RAD51AP2: variants seen among roughly 807,000 people sequenced by gnomAD.
RAD51AP2 encodes the protein RAD51 associated protein 2, also known as RAD51-associated protein 2.
In RAD51AP2, 67 loss-of-function variants were observed where a neutral mutation model predicts 85.5. That is an observed-to-expected ratio of 0.78 (90% CI 0.64 to 0.96). RAD51AP2 has a LOEUF of 0.96. Among genes scored for constraint, RAD51AP2 ranks in the 40% least tolerant of loss-of-function variants. The probability of loss-of-function intolerance (pLI) is 0.00; values close to 1 mark genes in which losing one functional copy is unlikely to be tolerated. For missense variants in RAD51AP2, 1,307 were observed against 1,332.4 expected (o/e 0.98, Z 0.30); for synonymous variants, 474 against 446.5 (o/e 1.06, Z -0.78).
chr2:17,526,358 T>A, the RAD51AP2 span, among the ~76,000 whole-genome samples: 1 of 152,054 alleles, frequency 6.6e-6, no homozygotes, highest in African/African-American at 2.4e-5. Flanking sequence ...CATGAACACT[T>A]AAATTTATAT....
At chr2:17,524,317 TAC>T in the RAD51AP2 span, among the ~76,000 whole-genome samples, 5 of 151,954 alleles carry the variant, frequency 3.3e-5, no homozygotes, top group African/African-American at 7.2e-5. Context: ...TCCAAAATAA[TAC>T]ACAGTCTTTT....
chr2:17,526,651 A>G, the RAD51AP2 span, among the ~76,000 whole-genome samples: 135 of 152,250 alleles, frequency 8.9e-4, 1 homozygote, highest in African/African-American at 3.2e-3. Context: ...CTCCAAAAGA[A>G]GTATCCCAGA....
upstream of RAD51AP2, among the ~76,000 whole-genome samples, chr2:17,522,522 T>C (rs867412503): frequency 2.4e-4 from 36 of 152,164 alleles, no homozygotes; most frequent in Middle Eastern, 6.8e-3. Context: ...AATAACCTTT[T>C]TCCTGAGCTC....
chr2:17,527,464 C>T, the RAD51AP2 span, among the ~76,000 whole-genome samples: 2 of 152,096 alleles, frequency 1.3e-5, no homozygotes, highest in Admixed American at 1.3e-4. Context: ...TATATAGTAG[C>T]CAATTTAGCA....
rs756896526 is a variant in RAD51AP2, at chr2:17,516,578, A to G, written c.1838T>C (p.Leu613Pro). ...LEEECIFKCM[L>P]YLKYPKNIVE... Reference sequence around the variant, plus strand: ...TATATTTTTTGGATACTTCAAATAAAGCATGCACTTGAAAATGCATTCCTC... The same window carrying G: ...TATATTTTTTGGATACTTCAAATAAGGCATGCACTTGAAAATGCATTCCTC... Residue 613 changes from leucine (L) to proline (P), a missense_variant, in exon 1 of 3, where the codon CTT becomes CCT. Physicochemically the swap from Leu to Pro is moderately conservative, Grantham distance 98 (BLOSUM62 -3). This residue lies in a region of RAD51AP2 where 668 missense variants were observed against 671.0 expected (regional missense o/e 1.00). Transcript: ENST00000399080. 5.1e-5 allele frequency: 81 copies of G among 1,586,460 alleles called. No homozygotes were observed. Among genetic ancestry groups the G allele is most frequent in the Non-Finnish European group, 6.5e-5 (76 of 1,165,602 alleles).
In RAD51AP2 at chr2:17,518,125, C is replaced by T; in HGVS notation, c.291G>A (p.Lys97=). The T allele has an allele frequency of 1.2e-6, 2 of 1,614,210 alleles. No individual in the cohort carries two copies. The highest frequency in any genetic ancestry group is 1.7e-6 in the Non-Finnish European group (2 of 1,180,020). The change falls in exon 1 of 3, where the codon AAG becomes AAA. Residue 97 remains lysine (K), a synonymous_variant. Coordinates refer to ENST00000399080, the MANE Select transcript of RAD51AP2 (RefSeq NM_001099218.3). ...DSCVEKSVSG[K]QICNLKCSNL... is the part of the protein sequence containing the mutation. Reference sequence around the variant, plus strand: ...TTGAGCATTTCAGATTACATATCTGCTTCCCACTGACTGATTTCTCCACAC... The same window carrying T: ...TTGAGCATTTCAGATTACATATCTGTTTCCCACTGACTGATTTCTCCACAC...
rs775729376 is a variant in RAD51AP2 at position 17,517,445 on chromosome 2, GA to G, written c.970del (p.Ser324ProfsTer22). Reference sequence around the variant, plus strand: ...TGGGTAGTCATTTTCATAACATTTGGAAAAAATGTTTTCCGCTTCTACAGTT... The same window carrying G: ...TGGGTAGTCATTTTCATAACATTTGGAAAAATGTTTTCCGCTTCTACAGTT... ...KKTVEAENIFSKCYENDYPSL... is the reference protein window; with the variant it reads ...KKTVEAENIFXKCYENDYPSL... On this transcript the variant is annotated frameshift_variant, in exon 1 of 3. Transcript: ENST00000399080. LOFTEE classifies it high-confidence loss of function. 7.7e-5 allele frequency: 124 copies of G among 1,613,354 alleles called. No homozygotes were observed. The highest frequency in any genetic ancestry group is 9.7e-5 in the Non-Finnish European group (114 of 1,179,886).
chr2:17,528,225 G>A, the RAD51AP2 span, among the ~76,000 whole-genome samples: 2 of 151,970 alleles, frequency 1.3e-5, no homozygotes, highest in African/African-American at 4.8e-5. Flanking sequence ...TTTTTACTCA[G>A]GTTTGTTGTC....
chr2:17,531,030 G>T, the RAD51AP2 span, among the ~76,000 whole-genome samples: 1 of 152,200 alleles, frequency 6.6e-6, no homozygotes, highest in Non-Finnish European at 1.5e-5. Context: ...TCTTTGGGCT[G>T]TATCTATTTG....
rs373135663 is a variant in RAD51AP2, at chr2:17,517,223, T to G, written c.1193A>C (p.Asn398Thr). ...ATTTCTTCTCAAAATATGTCTAACG[T>G]TACAGTCCCAGTTTTGAGATTTTTC... ...RLEKSQNWDC[N>T]VRHILRRNRG... The change falls in exon 1 of 3, where the codon AAC becomes ACC. Residue 398 changes from asparagine to threonine, a missense_variant. Asn to Thr is a moderately conservative substitution (Grantham distance 65, BLOSUM62 0). Around this residue, in one of 3 missense-constraint regions of RAD51AP2, gnomAD observed 635 missense variants for 643.6 expected, o/e 0.99. Coordinates refer to ENST00000399080, the MANE Select transcript of RAD51AP2 (RefSeq NM_001099218.3). 6 of 1,613,928 alleles carry G rather than the reference T, an allele frequency of 3.7e-6. No individual in the cohort carries two copies. Among genetic ancestry groups the G allele is most frequent in the Non-Finnish European group, 5.1e-6 (6 of 1,179,912 alleles).
rs781514390 is a variant in RAD51AP2 at position 17,516,808 on chromosome 2, C to T, written c.1608G>A (p.Leu536=). The change falls in exon 1 of 3, where the codon TTG becomes TTA. Residue 536 remains leucine (L), a synonymous_variant. Transcript: ENST00000399080. Reference sequence around the variant, plus strand: ...TTATACCAATTTGCTTTTTACACTTCAAAATGTTACAGCAGGTTAAAATAC... The same window carrying T: ...TTATACCAATTTGCTTTTTACACTTTAAAATGTTACAGCAGGTTAAAATAC... ...DNSILTCCNI[L]KCKKQIGIIG... is the part of the protein sequence containing the mutation. The T allele has an allele frequency of 1.9e-6, 3 of 1,549,876 alleles. No individual in the cohort carries two copies. Among genetic ancestry groups the T allele is most frequent in the African/African-American group, 2.8e-5 (2 of 72,114 alleles).
At chr2:17,525,935 CA>C in the RAD51AP2 span, among the ~76,000 whole-genome samples, 36 of 151,998 alleles carry the variant, frequency 2.4e-4, no homozygotes, top group Admixed American at 1.8e-3. Context: ...AACAGAACCA[CA>C]GTAATCATGA....
chr2:17,519,716 T>C (rs1040321746), upstream of RAD51AP2, among the ~76,000 whole-genome samples: 3 of 152,196 alleles, frequency 2.0e-5, no homozygotes, highest in Non-Finnish European at 4.4e-5. Flanking sequence ...ATTAACACTA[T>C]AAATAAGAAT....
the RAD51AP2 span, among the ~76,000 whole-genome samples, chr2:17,533,267 T>C: frequency 2.0e-5 from 3 of 152,224 alleles, no homozygotes; most frequent in Non-Finnish European, 2.9e-5. Context: ...TATGTGCCAA[T>C]AGCCTTTCAA....
In RAD51AP2 at chr2:17,517,260, G is replaced by A; in HGVS notation, c.1156C>T (p.Leu386Phe). The A allele has an allele frequency of 6.2e-7, 1 of 1,613,920 alleles. No individual in the cohort carries two copies. The highest frequency in any genetic ancestry group is 8.5e-7 in the Non-Finnish European group (1 of 1,179,916). ...TTTTGAGATTTTTCCAGCCTGGTAA[G>A]TACGTAACTGTCCAGACATTCTGCT... is the stretch of plus-strand genomic sequence containing the variant. ...EEAECLDSYVLTRLEKSQNWD... is the reference protein window; with the variant it reads ...EEAECLDSYVFTRLEKSQNWD... The change falls in exon 1 of 3, where the codon CTT becomes TTT. Residue 386 changes from leucine (L) to phenylalanine (F), a missense_variant. By Grantham distance (22) the Leu-to-Phe change is conservative (BLOSUM62 0). Around this residue, in one of 3 missense-constraint regions of RAD51AP2, gnomAD observed 635 missense variants for 643.6 expected, o/e 0.99. Coordinates refer to ENST00000399080, the MANE Select transcript of RAD51AP2 (RefSeq NM_001099218.3).
At chr2:17,514,537 G>GGA (rs1553293561) in intron 1 of RAD51AP2, among the ~76,000 whole-genome samples, 1 of 51,244 alleles carries the variant, frequency 2.0e-5, no homozygotes, top group Non-Finnish European at 7.4e-5. Flanking sequence ...CGAGGGCGGC[G>GGA]GGGGGGGTGG....
In RAD51AP2 at chr2:17,517,585, T is replaced by C; in HGVS notation, c.831A>G (p.Glu277=). 1 of 1,613,974 alleles carries C rather than the reference T, an allele frequency of 6.2e-7. No homozygotes were observed. The highest frequency in any genetic ancestry group is 2.2e-5 in the East Asian group (1 of 44,872). ...NSKMSSVYLK[E]IAKKKNDKKE... ...TTTTGTCATTCTTTTTCTTCGCTATTTCCTTTAAATAGACAGAGGACATTT... is the reference window on the plus strand; with the variant it reads ...TTTTGTCATTCTTTTTCTTCGCTATCTCCTTTAAATAGACAGAGGACATTT... Residue 277 remains glutamate, a synonymous_variant, in exon 1 of 3, where the codon GAA becomes GAG. Transcript: ENST00000399080.
Position 17,518,082 on chromosome 2 carries a change from T to C in RAD51AP2, c.334A>G (p.Ser112Gly). 6.2e-7 allele frequency: 1 copy of C among 1,614,184 alleles called. No homozygotes were observed. The highest frequency in any genetic ancestry group is 1.3e-5 in the African/African-American group (1 of 75,034). ...GAGGGGGGAGACTGCAAACAGCTAC[T>C]CATTTGGAATTTGAGATTTGAGCAT... The part of the protein sequence containing the change: ...LKCSNLKFQM[S>G]SCLQSPPSQS... The change falls in exon 1 of 3, where the codon AGT (serine) becomes GGT (glycine). Residue 112 changes from serine to glycine, a missense_variant. By Grantham distance (56) the Ser-to-Gly change is moderately conservative. Coordinates refer to ENST00000399080, the MANE Select transcript of RAD51AP2 (RefSeq NM_001099218.3).
the RAD51AP2 span, among the ~76,000 whole-genome samples, chr2:17,535,371 C>A: frequency 6.6e-6 from 1 of 152,160 alleles, no homozygotes; most frequent in African/African-American, 2.4e-5. Context: ...AATGATCTTG[C>A]ATGCTGTGCT....
Sources: allele counts gnomAD v4.1 joint callset (sites outside exome capture counted in the v4.1 genomes callset), GRCh38; gene constraint gnomAD v4.1.1; regional missense constraint gnomAD v4.1.1; transcripts MANE v1.5; gene names NCBI Gene and HGNC (gene_info 2026-07-23, HGNC 2026-07-21).